Variants in TEKT5 observed in about 807,000 individuals in gnomAD.
TEKT5 encodes the protein tektin-5.
TEKT5 carries 52 observed loss-of-function variants against 48.7 expected under a neutral mutation model. The observed-to-expected ratio is 1.07, with a 90% CI of 0.86 to 1.35. The LOEUF is 1.35. Among genes scored for constraint, TEKT5 ranks in the 40% most tolerant of loss-of-function variants. The probability of loss-of-function intolerance (pLI) is 0.00; values close to 1 mark genes in which losing one functional copy is unlikely to be tolerated. For missense variants in TEKT5, 831 were observed against 641.6 expected (o/e 1.30, Z -3.19); for synonymous variants, 318 against 267.6 (o/e 1.19, Z -1.84).
intron 5 of TEKT5, among the ~76,000 whole-genome samples, chr16:10,646,713 G>A (rs1898076089): frequency 2.0e-5 from 3 of 152,168 alleles, no homozygotes; most frequent in Admixed American, 2.0e-4. Flanking sequence ...TCCTACTGGT[G>A]GAGTCAAGAC....
chr16:10,660,717 T>G (rs914972051), intron 5 of TEKT5, among the ~76,000 whole-genome samples: 1 of 150,062 alleles, frequency 6.7e-6, no homozygotes, highest in Admixed American at 6.6e-5. Context: ...TTTATTTATT[T>G]GAAGACAGAG....
Position 10,694,411 on chromosome 16 carries a change from G to C in TEKT5, c.463C>G (p.Leu155Val). The change falls in exon 1 of 7, where the codon CTG becomes GTG. Residue 155 changes from leucine to valine, a missense_variant. Coordinates refer to ENST00000283025, the MANE Select transcript of TEKT5 (RefSeq NM_144674.2). ...LSDIGFWKSE[L>V]SYELDRLLTE... ...AGAAGCCTGTCCAGCTCATAGCTCA[G>C]CTCTGACTTCCAGAAGCCAATGTCC... 1 of 1,614,142 alleles carries C rather than the reference G, an allele frequency of 6.2e-7. No individual in the cohort carries two copies. The highest frequency in any genetic ancestry group is 8.5e-7 in the Non-Finnish European group (1 of 1,180,042).
At chr16:10,659,271 T>C (rs550058702) in intron 5 of TEKT5, among the ~76,000 whole-genome samples, 1 of 152,374 alleles carries the variant, frequency 6.6e-6, no homozygotes, top group African/African-American at 2.4e-5. Context: ...AAATATCACA[T>C]GTACCTGACG....
At chr16:10,670,650 A>G (rs1898534818) in intron 5 of TEKT5, among the ~76,000 whole-genome samples, 1 of 152,220 alleles carries the variant, frequency 6.6e-6, no homozygotes, top group African/African-American at 2.4e-5. Flanking sequence ...GAAATTCACC[A>G]ACCAGAAGAC....
chr16:10,687,086 G>C (rs979720786), intron 3 of TEKT5, among the ~76,000 whole-genome samples: 1 of 152,152 alleles, frequency 6.6e-6, no homozygotes, highest in African/African-American at 2.4e-5. Context: ...GGCTGGGGGT[G>C]GGGTATTGGG....
At chr16:10,674,731 G>A (rs1898614167) in intron 5 of TEKT5, among the ~76,000 whole-genome samples, 2 of 151,822 alleles carry the variant, frequency 1.3e-5, no homozygotes, top group South Asian at 4.2e-4. Context: ...GATGTAGGTG[G>A]GCTGAAACTA....
Position 10,667,965 on chromosome 16 carries a change from C to T in TEKT5, c.1086+7994G>A, listed in dbSNP as rs1013796915. ...TGATCTTGGCTCACTGCAACCTCCA[C>T]CTCCCAGGTTCAAGTCATTCTCCTG... On this transcript the variant is annotated intron_variant, in intron 5 of 6. Transcript: ENST00000283025. Among the ~76,000 whole-genome samples, 4 of 151,944 alleles carry T rather than the reference C, an allele frequency of 2.6e-5. No individual in the cohort carries two copies. The East Asian group carries it at 7.7e-4, about 29-fold the overall frequency.
intron 5 of TEKT5, among the ~76,000 whole-genome samples, chr16:10,665,360 G>C (rs1898440328): frequency 6.6e-6 from 1 of 152,222 alleles, no homozygotes; most frequent in Non-Finnish European, 1.5e-5. Context: ...TCCAGGCAAA[G>C]CATATGATTG....
intron 5 of TEKT5, among the ~76,000 whole-genome samples, chr16:10,648,200 T>C (rs2466127): frequency 0.1 from 15,830 of 152,234 alleles, 922 homozygotes; most frequent in African/African-American, 0.17. Context: ...CAACCATTTA[T>C]CAAGAGTTTA....
chr16:10,632,598 T>C (rs1031884747), intron 6 of TEKT5, among the ~76,000 whole-genome samples: 1 of 152,082 alleles, frequency 6.6e-6, no homozygotes, highest in Non-Finnish European at 1.5e-5. Flanking sequence ...ACCTAGCCTT[T>C]AAAGTTCAAT....
At chr16:10,650,826 A>C (rs1898143917) in intron 5 of TEKT5, among the ~76,000 whole-genome samples, 2 of 151,204 alleles carry the variant, frequency 1.3e-5, no homozygotes, top group Non-Finnish European at 2.9e-5. Flanking sequence ...CGGAGGTTAC[A>C]GTGAGCAGAG....
intron 6 of TEKT5, among the ~76,000 whole-genome samples, chr16:10,632,878 A>ATG (rs1897858141): frequency 7.0e-6 from 1 of 142,888 alleles, no homozygotes; most frequent in African/African-American, 2.6e-5. Context: ...AGACACACAC[A>ATG]CACACACACA....
At position 10,676,035 on chromosome 16, in the gene TEKT5, T is replaced by C. The variant is rs1271788739; in HGVS notation, c.1010A>G (p.Asp337Gly). ...LSDQMWRQFTDTNLAFNARIS... is the reference protein window; with the variant it reads ...LSDQMWRQFTGTNLAFNARIS... ...GCGGGCGTTGAAGGCCAGGTTGGTGTCTGTGAACTGCCTCCACATCTGATC... is the reference window on the plus strand; with the variant it reads ...GCGGGCGTTGAAGGCCAGGTTGGTGCCTGTGAACTGCCTCCACATCTGATC... Residue 337 changes from aspartate (D) to glycine (G), a missense_variant, in exon 5 of 7, where the codon GAC becomes GGC. Physicochemically the swap from Asp to Gly is moderately conservative, Grantham distance 94. Coordinates refer to ENST00000283025, the MANE Select transcript of TEKT5 (RefSeq NM_144674.2). 2.5e-6 allele frequency: 4 copies of C among 1,614,226 alleles called. No individual in the cohort carries two copies. Among genetic ancestry groups the C allele is most frequent in the Non-Finnish European group, 3.4e-6 (4 of 1,180,038 alleles).
rs114953956 is a variant in TEKT5, at chr16:10,667,157, T to C, written c.1086+8802A>G. Among the ~76,000 whole-genome samples the C allele has an allele frequency of 2.6e-3, 396 of 152,196 alleles. 2 individuals are homozygous for C. Among genetic ancestry groups the C allele is most frequent in the African/African-American group, 8.9e-3 (368 of 41,520 alleles). ...TGCCACCATGCCCAGCTAATTTTTA[T>C]GTTTTTTGTAGAAACAAGATCTTAC... On this transcript the variant is annotated intron_variant, in intron 5 of 6. Transcript: ENST00000283025.
chr16:10,689,462 C>A, intron 2 of TEKT5, 139 bp from the exon 3 acceptor site: 1 of 692,876 alleles, frequency 1.4e-6, no homozygotes, highest in African/African-American at 1.8e-5. Context: ...CGTGGGGCCC[C>A]GCCTCAATCC....
chr16:10,681,528 T>C (rs1484338318), intron 4 of TEKT5, among the ~76,000 whole-genome samples: 1 of 151,914 alleles, frequency 6.6e-6, no homozygotes, highest in African/African-American at 2.4e-5. Context: ...GAATTCACTC[T>C]GTTAAACCAC....
intron 5 of TEKT5, among the ~76,000 whole-genome samples, chr16:10,660,668 T>TGTGC (rs1257206376): frequency 5.2e-5 from 1 of 19,050 alleles, no homozygotes; most frequent in African/African-American, 8.8e-5. Context: ...AGGCTGTGTG[T>TGTGC]GTGTGTGTGT....
At chr16:10,678,678 A>G (rs1898692349) in intron 4 of TEKT5, among the ~76,000 whole-genome samples, 1 of 152,208 alleles carries the variant, frequency 6.6e-6, no homozygotes, top group African/African-American at 2.4e-5. Context: ...AGGACAGCAG[A>G]GAGAAACATG....
intron 5 of TEKT5, among the ~76,000 whole-genome samples, chr16:10,660,971 G>C (rs926488116): frequency 7.9e-5 from 12 of 152,122 alleles, no homozygotes; most frequent in Non-Finnish European, 1.8e-4. Context: ...AAAGTGTTGG[G>C]ATACAGACGT....
Sources: allele counts gnomAD v4.1 joint callset (sites outside exome capture counted in the v4.1 genomes callset), GRCh38; gene constraint gnomAD v4.1.1; transcripts MANE v1.5; gene names NCBI Gene and HGNC (gene_info 2026-07-23, HGNC 2026-07-21).